The following ME1 variants were observed in gnomAD, a reference collection of about 807,000 sequenced individuals.
The protein encoded by ME1 is NADP-dependent malic enzyme.
Under a neutral mutation model 66.4 loss-of-function variants are expected in ME1, and 74 were observed. That is an observed-to-expected ratio of 1.11 (90% CI 0.92 to 1.35). The LOEUF is 1.35. ME1 is among the 40% of genes most tolerant of loss of function. ME1 has a pLI of 0.00. For missense variants in ME1, 750 were observed against 694.1 expected (o/e 1.08, Z -0.90); for synonymous variants, 251 against 235.6 (o/e 1.07, Z -0.60).
intron 3 of ME1, among the ~76,000 whole-genome samples, chr6:83,369,576 T>G (rs748870176): frequency 2.6e-5 from 4 of 151,292 alleles, no homozygotes; most frequent in Non-Finnish European, 5.9e-5. Flanking sequence ...GAGTGAGCCA[T>G]GATCATGCCA....
intron 6 of ME1, among the ~76,000 whole-genome samples, chr6:83,268,592 G>A (rs1397331889): frequency 6.6e-6 from 1 of 151,958 alleles, no homozygotes; most frequent in Non-Finnish European, 1.5e-5. Flanking sequence ...TCGAGACAGA[G>A]TCTCACTTTG....
At chr6:83,270,645 G>T (rs1030607871) in intron 6 of ME1, among the ~76,000 whole-genome samples, 1 of 152,024 alleles carries the variant, frequency 6.6e-6, no homozygotes, top group African/African-American at 2.4e-5. Context: ...AAAACAGAGG[G>T]GTTTCTTCAC....
At chr6:83,281,299 A>G (rs1471158808) in intron 6 of ME1, among the ~76,000 whole-genome samples, 3 of 152,204 alleles carry the variant, frequency 2.0e-5, no homozygotes, top group Non-Finnish European at 2.9e-5. Flanking sequence ...ATCTGCCTCT[A>G]ATCTTAATTT....
At chr6:83,251,850 AT>A (rs1319205961) in intron 7 of ME1, among the ~76,000 whole-genome samples, 2 of 152,186 alleles carry the variant, frequency 1.3e-5, no homozygotes, top group Non-Finnish European at 2.9e-5. Flanking sequence ...CCATCAAATT[AT>A]TTTGAGGAAG....
chr6:83,212,137 G>T lies in ME1; in HGVS notation c.1549-43C>A, dbSNP rs753893453. ...ATATTAATTATTTTAATAAATAGAG[G>T]TAATCATGAGCCCATGTGAGTGGAA... On this transcript the variant is annotated intron_variant, in intron 13 of 13. Transcript: ENST00000369705. 7.0e-6 allele frequency: 10 copies of T among 1,428,372 alleles called. No homozygotes were observed. In the Admixed American group the frequency reaches 1.7e-4, roughly 25 times the overall value. 88.5% of individuals were successfully genotyped at this position (1,428,372 alleles called of 1,614,324 possible).
chr6:83,278,917 C>CA (rs1767239809), intron 6 of ME1, among the ~76,000 whole-genome samples: 1 of 152,138 alleles, frequency 6.6e-6, no homozygotes, highest in African/African-American at 2.4e-5. Flanking sequence ...CCTGGGCTTT[C>CA]AAATGGAGGA....
chr6:83,341,492 T>C (rs972209748), intron 5 of ME1, among the ~76,000 whole-genome samples: 2 of 152,110 alleles, frequency 1.3e-5, no homozygotes, highest in African/African-American at 4.8e-5. Context: ...GTAAACTCTG[T>C]AGTTTAACTC....
intron 5 of ME1, among the ~76,000 whole-genome samples, chr6:83,323,297 C>A (rs1768216688): frequency 6.6e-6 from 1 of 151,866 alleles, no homozygotes; most frequent in African/African-American, 2.4e-5. Context: ...CAAATTCAAA[C>A]AACAATATTA....
At chr6:83,289,171 AACTTCCAAT>A (rs1767452782) in intron 6 of ME1, among the ~76,000 whole-genome samples, 1 of 152,246 alleles carries the variant, frequency 6.6e-6, no homozygotes, top group South Asian at 2.1e-4. Flanking sequence ...CCCTGGCCAG[AACTTCCAAT>A]ACTAGGTTGA....
At chr6:83,340,576 A>C (rs536535895) in intron 5 of ME1, among the ~76,000 whole-genome samples, 11 of 152,320 alleles carry the variant, frequency 7.2e-5, no homozygotes, top group African/African-American at 2.4e-4. Context: ...TCTATGAGGT[A>C]AGTACTCATT....
chr6:83,306,882 A>G (rs577807939), intron 6 of ME1, among the ~76,000 whole-genome samples: 5 of 152,274 alleles, frequency 3.3e-5, no homozygotes, highest in African/African-American at 9.6e-5. Flanking sequence ...GACTCATGTA[A>G]CCAGAACAAA....
chr6:83,324,521 G>C (rs1168904823), intron 5 of ME1, among the ~76,000 whole-genome samples: 2 of 151,822 alleles, frequency 1.3e-5, no homozygotes, highest in Non-Finnish European at 2.9e-5. Context: ...TGATCCCACA[G>C]AAATACAAAC....
chr6:83,211,749 T>A lies in ME1; in HGVS notation c.*175A>T. ...ACCAGAAGGCAAAGTGAAGCAAAATTGTCTCATGTGATGTTTATCCCAATT... is the reference window on the plus strand; with the variant it reads ...ACCAGAAGGCAAAGTGAAGCAAAATAGTCTCATGTGATGTTTATCCCAATT... On this transcript the variant is annotated 3_prime_UTR_variant, in exon 14 of 14. Coordinates refer to ENST00000369705, the MANE Select transcript of ME1 (RefSeq NM_002395.6). 1 of 439,580 alleles carries A rather than the reference T, an allele frequency of 2.3e-6. No homozygotes were observed. Among genetic ancestry groups the A allele is most frequent in the African/African-American group, 2.0e-5 (1 of 49,436 alleles). 27.2% of individuals were successfully genotyped at this position (439,580 alleles called of 1,614,324 possible).
At chr6:83,421,024 A>G (rs529277878) in intron 1 of ME1, among the ~76,000 whole-genome samples, 1 of 152,186 alleles carries the variant, frequency 6.6e-6, no homozygotes, top group Non-Finnish European at 1.5e-5. Context: ...GCAGACAGGG[A>G]GGGGGGGCCC....
intron 1 of ME1, among the ~76,000 whole-genome samples, chr6:83,428,311 A>T (rs1171531315): frequency 2.0e-5 from 3 of 152,236 alleles, no homozygotes; most frequent in African/African-American, 7.2e-5. Context: ...ATTAAACATA[A>T]TAGGAAATAA....
intron 6 of ME1, among the ~76,000 whole-genome samples, chr6:83,261,379 T>C (rs1194158762): frequency 2.0e-5 from 3 of 152,086 alleles, no homozygotes; most frequent in Non-Finnish European, 4.4e-5. Context: ...TTTGCAAATA[T>C]TTTCTCCCAT....
chr6:83,423,091 C>G (rs1287634437), intron 1 of ME1, among the ~76,000 whole-genome samples: 2 of 151,730 alleles, frequency 1.3e-5, no homozygotes, highest in East Asian at 3.9e-4. Context: ...AAATAAAATA[C>G]CATTAAAACA....
At chr6:83,359,975 C>A (rs1768978005) in intron 3 of ME1, among the ~76,000 whole-genome samples, 1 of 152,198 alleles carries the variant, frequency 6.6e-6, no homozygotes, top group Non-Finnish European at 1.5e-5. Context: ...GGCAATGCAG[C>A]AATCAGAATA....
At chr6:83,403,721 A>G (rs1335480839) in intron 2 of ME1, among the ~76,000 whole-genome samples, 1 of 152,056 alleles carries the variant, frequency 6.6e-6, no homozygotes, top group Non-Finnish European at 1.5e-5. Context: ...CTCATTGTTC[A>G]ATTCCCACTT....
Sources: allele counts gnomAD v4.1 joint callset (sites outside exome capture counted in the v4.1 genomes callset), GRCh38; gene constraint gnomAD v4.1.1; transcripts MANE v1.5; gene names NCBI Gene and HGNC (gene_info 2026-07-23, HGNC 2026-07-21).